Variants in PRDM1 observed in about 807,000 individuals in gnomAD.
PRDM1 encodes the protein PR/SET domain 1, also known as PR domain zinc finger protein 1.
In PRDM1, 13 loss-of-function variants were observed where a neutral mutation model predicts 62.8. That is an observed-to-expected ratio of 0.21 (90% CI 0.13 to 0.33). The LOEUF is 0.33. PRDM1 is among the 10% of genes least tolerant of loss of function. PRDM1 has a pLI of 1.00. For synonymous variants in PRDM1, 396 were observed against 417.6 expected (o/e 0.95, Z 0.63); for missense variants, 895 against 1,058.8 (o/e 0.85, Z 2.15).
rs1002163107 is a variant in PRDM1, at chr6:106,106,148, A to G, written c.1773+215A>G. On this transcript the variant is annotated intron_variant, in intron 5 of 6. Coordinates refer to ENST00000369096, the MANE Select transcript of PRDM1 (RefSeq NM_001198.4). The surrounding 1 kb of genome is among the most constrained non-coding windows in gnomAD (Gnocchi z 4.4). ...CTGATTTTCTTCTGAATAATAAAAA[A>G]ATTAGGGGTTTGGACTAGAAGATTA... 2.0e-5 allele frequency among the ~76,000 whole-genome samples: 3 copies of G among 152,232 alleles called. No individual in the cohort carries two copies. Among genetic ancestry groups the G allele is most frequent in the African/African-American group, 7.2e-5 (3 of 41,448 alleles).
chr6:106,065,409 G>A (rs1773417081), intron 1 of PRDM1, among the ~76,000 whole-genome samples: 1 of 152,166 alleles, frequency 6.6e-6, no homozygotes, highest in African/African-American at 2.4e-5. Flanking sequence ...TTTTCAGAGA[G>A]CATCCTATAA....
chr6:106,056,841 T>A (rs995883568), intron 1 of PRDM1, among the ~76,000 whole-genome samples: 10 of 149,066 alleles, frequency 6.7e-5, no homozygotes, highest in Non-Finnish European at 1.5e-4. Flanking sequence ...AATAAGGTTT[T>A]GAAGCTCTAG....
intron 2 of PRDM1, 110 bp from the exon 3 acceptor site, chr6:106,095,505 T>G (rs1224809078): frequency 1.6e-6 from 2 of 1,270,458 alleles, no homozygotes; most frequent in Non-Finnish European, 2.2e-6. Context: ...TTATCAAAAT[T>G]TTATCATTGT....
intron 1 of PRDM1, among the ~76,000 whole-genome samples, chr6:106,064,601 T>C (rs1468657559): frequency 1.3e-5 from 2 of 152,164 alleles, no homozygotes; most frequent in African/African-American, 4.8e-5. Flanking sequence ...TGACCTCTAA[T>C]AGCAGGAAAA....
chr6:105,999,411 A>C (rs550930541), intron 1 of PRDM1, among the ~76,000 whole-genome samples: 39 of 152,240 alleles, frequency 2.6e-4, no homozygotes, highest in African/African-American at 8.7e-4. Flanking sequence ...AAAAATTAGA[A>C]AACACATTGT....
intron 1 of PRDM1, among the ~76,000 whole-genome samples, chr6:106,080,846 G>C (rs570101611): frequency 6.6e-6 from 1 of 152,324 alleles, no homozygotes; most frequent in Admixed American, 6.5e-5. Flanking sequence ...CTAGGGTAAA[G>C]CAGGGTTGCC....
At chr6:106,024,381 C>T (rs1220215645) in intron 1 of PRDM1, among the ~76,000 whole-genome samples, 4 of 152,158 alleles carry the variant, frequency 2.6e-5, no homozygotes, top group Admixed American at 1.3e-4. Flanking sequence ...CATTTCCTCT[C>T]CACATCTAAT....
chr6:106,073,881 C>T (rs1404502470), intron 1 of PRDM1, among the ~76,000 whole-genome samples: 3 of 152,178 alleles, frequency 2.0e-5, no homozygotes, highest in Non-Finnish European at 4.4e-5. Context: ...CATATACCCT[C>T]AGTGAGGTGT....
At chr6:106,061,901 A>C (rs1285651034) in intron 1 of PRDM1, among the ~76,000 whole-genome samples, 1 of 152,220 alleles carries the variant, frequency 6.6e-6, no homozygotes, top group Non-Finnish European at 1.5e-5. Context: ...CAGACTTTAA[A>C]GCACCATTAC....
intron 1 of PRDM1, among the ~76,000 whole-genome samples, chr6:106,060,163 G>C (rs924223208): frequency 6.6e-6 from 1 of 152,138 alleles, no homozygotes. Context: ...TGAACTCCAA[G>C]TCATGCTATC....
intron 1 of PRDM1, among the ~76,000 whole-genome samples, chr6:106,053,541 A>G (rs1219145495): frequency 1.3e-5 from 2 of 152,130 alleles, no homozygotes; most frequent in African/African-American, 4.8e-5. Flanking sequence ...TAAGTATTCT[A>G]TTGTATCCAT....
chr6:106,049,840 A>C (rs4245530), intron 1 of PRDM1, among the ~76,000 whole-genome samples: 138,229 of 152,298 alleles, frequency 0.91, 62,861 homozygotes, highest in African/African-American at 0.95. Flanking sequence ...CCTTTAAATT[A>C]GATTGGTTCC....
At chr6:106,060,734 G>A (rs139752032) in intron 1 of PRDM1, among the ~76,000 whole-genome samples, 60 of 152,166 alleles carry the variant, frequency 3.9e-4, no homozygotes, top group African/African-American at 1.3e-3. Context: ...AATAGGAGGA[G>A]GTTAGAGACA....
In PRDM1 at chr6:106,106,283, T is replaced by G; in HGVS notation, c.1774-88T>G. 6.6e-7 allele frequency: 1 copy of G among 1,512,322 alleles called. No individual in the cohort carries two copies. 93.7% of individuals were successfully genotyped at this position (1,512,322 alleles called of 1,614,324 possible). The stretch of plus-strand genomic sequence containing the variant: ...CTGTCTTGATGCTTTTCTTAAGATA[T>G]TTGCATCAACACTTGAGTCTTGGAG... On this transcript the variant is annotated intron_variant, in intron 5 of 6. Transcript: ENST00000369096. This position sits in a 1 kb window ranked among gnomAD's most constrained non-coding sequence, Gnocchi z 4.4.
intron 1 of PRDM1, among the ~76,000 whole-genome samples, chr6:106,013,219 G>A (rs947807457): frequency 6.6e-6 from 1 of 151,812 alleles, no homozygotes; most frequent in African/African-American, 2.4e-5. Context: ...TAATTGCAGT[G>A]CTTATCATCA....
chr6:106,033,293 C>T (rs952580459), intron 1 of PRDM1, among the ~76,000 whole-genome samples: 41 of 151,738 alleles, frequency 2.7e-4, no homozygotes, highest in Non-Finnish European at 5.7e-4. Context: ...TACAGGTGTG[C>T]ACCATTATGC....
chr6:106,106,920 AAG>A lies in PRDM1; in HGVS notation c.1916_1917del (p.Arg639IlefsTer2). Reference sequence around the variant, plus strand: ...CTCCCCTACACTGTAGGTCTGCCACAAGAGATTTAGCAGCACCAGCAATCTCA... The same window carrying A: ...CTCCCCTACACTGTAGGTCTGCCACAAGATTTAGCAGCACCAGCAATCTCA... ...EKPHECQVCH[K>X]RFSSTSNLKT... On this transcript the variant is annotated frameshift_variant, in exon 7 of 7. Transcript: ENST00000369096. LOFTEE classifies it high-confidence loss of function. This position sits in a 1 kb window ranked among gnomAD's most constrained non-coding sequence, Gnocchi z 4.4. 6.2e-7 allele frequency: 1 copy of A among 1,612,884 alleles called. No individual in the cohort carries two copies.
Position 106,106,558 on chromosome 6 carries a change from C to T in PRDM1, c.1902+59C>T. 6.2e-7 allele frequency: 1 copy of T among 1,601,194 alleles called. No homozygotes were observed. The highest frequency in any genetic ancestry group is 1.3e-5 in the African/African-American group (1 of 74,884). On this transcript the variant is annotated intron_variant, in intron 6 of 6. Transcript: ENST00000369096. This position sits in a 1 kb window ranked among gnomAD's most constrained non-coding sequence, Gnocchi z 4.4. ...TTTGTAGAAAATGTCTGTGAGTCAC[C>T]CTCCCATGTCCTATATAGCCCGTAG...
chr6:106,034,456 C>T (rs1026392046), intron 1 of PRDM1, among the ~76,000 whole-genome samples: 1 of 151,880 alleles, frequency 6.6e-6, no homozygotes, highest in African/African-American at 2.4e-5. Flanking sequence ...ATTTTATTTT[C>T]ATGCATCTCT....
Sources: allele counts gnomAD v4.1 joint callset (sites outside exome capture counted in the v4.1 genomes callset), GRCh38; gene constraint gnomAD v4.1.1; non-coding constraint Gnocchi (gnomAD v3.1); transcripts MANE v1.5; gene names NCBI Gene and HGNC (gene_info 2026-07-23, HGNC 2026-07-21).